The following AKAP3 variants were observed in gnomAD, a reference collection of about 807,000 sequenced individuals.
AKAP3 encodes A-kinase anchor protein 3.
A neutral mutation model predicts 57.2 loss-of-function variants in AKAP3; 27 were observed. The ratio of observed to expected loss-of-function variants is 0.47; its 90% CI spans 0.35 to 0.65. The LOEUF (loss-of-function observed/expected upper bound fraction) is 0.65. AKAP3 is among the 30% of genes least tolerant of loss of function. The probability of loss-of-function intolerance (pLI) is 0.01; values close to 1 mark genes in which losing one functional copy is unlikely to be tolerated. For synonymous variants in AKAP3, 334 were observed against 392.3 expected (o/e 0.85, Z 1.76); for missense variants, 959 against 1,040.0 (o/e 0.92, Z 1.07).
intron 4 of AKAP3, chr12:4,635,638 T>A (rs1945555628): frequency 2.6e-6 from 2 of 784,198 alleles, no homozygotes; most frequent in African/African-American, 1.7e-5. Context: ...GCCTCTGAAG[T>A]TCTTTAACCC....
chr12:4,641,865 G>A (rs1431753901), intron 3 of AKAP3, 34 bp downstream of exon 3: 2 of 152,230 alleles, frequency 1.3e-5, no homozygotes, highest in African/African-American at 4.8e-5. Flanking sequence ...TGACAATTAT[G>A]TACAAAAAGT....
In AKAP3 at chr12:4,615,935, C is replaced by T. The variant is rs1237267644; in HGVS notation, c.2407-41G>A. 6 of 1,611,932 alleles carry T rather than the reference C, an allele frequency of 3.7e-6. No homozygotes were observed. The South Asian group carries it at 5.5e-5, about 15-fold the overall frequency. On this transcript the variant is annotated intron_variant, in intron 5 of 5. Coordinates refer to ENST00000228850, the MANE Select transcript of AKAP3 (RefSeq NM_001278309.2). ...AAACACCAGTGGTGAGGCACAGCAT[C>T]TCATGGCAGGCCAGATGGAGCCTGC...
intron 5 of AKAP3, among the ~76,000 whole-genome samples, chr12:4,619,658 T>C (rs1185615541): frequency 6.6e-6 from 1 of 152,230 alleles, no homozygotes; most frequent in Non-Finnish European, 1.5e-5. Context: ...ACATTAATGC[T>C]CCTCATTATC....
intron 1 of AKAP3, chr12:4,648,503 CAG>C (rs1945726273): frequency 1.3e-5 from 2 of 152,248 alleles, no homozygotes; most frequent in African/African-American, 4.8e-5. Flanking sequence ...CACTTTTGAG[CAG>C]AGACTTGAGC....
rs1945461932 is a variant in AKAP3 at position 4,628,775 on chromosome 12, T to G, written c.127A>C (p.Ser43Arg). The part of the protein sequence containing the change: ...DTSTDPVRVL[S>R]WLRRDLEKST... ...TTCTCCAGGTCTCTGCGGAGCCAGCTGAGCACTCTGACAGGATCCGTGGAG... is the reference window on the plus strand; with the variant it reads ...TTCTCCAGGTCTCTGCGGAGCCAGCGGAGCACTCTGACAGGATCCGTGGAG... The change falls in exon 5 of 6, where the codon AGC (serine) becomes CGC (arginine). Residue 43 changes from serine to arginine, a missense_variant. By Grantham distance (110) the Ser-to-Arg change is moderately radical. Transcript: ENST00000228850. The G allele has an allele frequency of 1.2e-6, 2 of 1,611,670 alleles. No individual in the cohort carries two copies. The highest frequency in any genetic ancestry group is 4.5e-5 in the East Asian group (2 of 44,746).
intron 4 of AKAP3, among the ~76,000 whole-genome samples, chr12:4,632,344 T>C (rs1945508686): frequency 6.6e-6 from 1 of 152,246 alleles, no homozygotes; most frequent in South Asian, 2.1e-4. Context: ...GTTCTACTCA[T>C]CTGCGTTTCA....
intron 5 of AKAP3, among the ~76,000 whole-genome samples, chr12:4,623,420 T>C (rs1345765766): frequency 6.6e-6 from 1 of 152,244 alleles, no homozygotes; most frequent in Non-Finnish European, 1.5e-5. Flanking sequence ...TGGAATATTA[T>C]GCAGTCATAA....
At chr12:4,643,033 T>C (rs1459710480) in intron 2 of AKAP3, among the ~76,000 whole-genome samples, 4 of 152,224 alleles carry the variant, frequency 2.6e-5, no homozygotes, top group Admixed American at 2.6e-4. Context: ...ACAGACTTAC[T>C]CAGTGATTTA....
chr12:4,621,669 C>T (rs1038841208), intron 5 of AKAP3, among the ~76,000 whole-genome samples: 4 of 152,018 alleles, frequency 2.6e-5, no homozygotes, highest in African/African-American at 4.8e-5. Flanking sequence ...GTGTAAGTAC[C>T]GTCTATTATG....
chr12:4,634,200 T>C (rs1196093232), intron 4 of AKAP3, among the ~76,000 whole-genome samples: 2 of 152,124 alleles, frequency 1.3e-5, no homozygotes, highest in East Asian at 3.9e-4. Flanking sequence ...CAAAATAAAA[T>C]GAAGGTTGGA....
At position 4,627,234 on chromosome 12, in the gene AKAP3, G is replaced by A; in HGVS notation, c.1668C>T (p.Thr556=). ...DARSFVEAAG[T]TNFPANEPPV... is the part of the protein sequence containing the mutation. ...GAGGTTCATTGGCAGGAAAGTTGGTGGTGCCAGCAGCTTCAACGAAGCTCC... is the reference window on the plus strand; with the variant it reads ...GAGGTTCATTGGCAGGAAAGTTGGTAGTGCCAGCAGCTTCAACGAAGCTCC... Residue 556 remains threonine, a synonymous_variant, in exon 5 of 6, where the codon ACC becomes ACT. Transcript: ENST00000228850. 6.2e-7 allele frequency: 1 copy of A among 1,614,036 alleles called. No homozygotes were observed. Among genetic ancestry groups the A allele is most frequent in the Non-Finnish European group, 8.5e-7 (1 of 1,179,986 alleles).
chr12:4,627,296 G>C lies in AKAP3; in HGVS notation c.1606C>G (p.Gln536Glu). ...CTTCCTCCCTGGGCCAGGTGATATT[G>C]AATCAGAAGCAGGGCAGACACGATC... ...DLIVSALLLI[Q>E]YHLAQGGRRD... The change falls in exon 5 of 6, where the codon CAA (glutamine) becomes GAA (glutamate). Residue 536 changes from glutamine to glutamate, a missense_variant. Coordinates refer to ENST00000228850, the MANE Select transcript of AKAP3 (RefSeq NM_001278309.2). 6.2e-7 allele frequency: 1 copy of C among 1,613,958 alleles called. No homozygotes were observed. Among genetic ancestry groups the C allele is most frequent in the Non-Finnish European group, 8.5e-7 (1 of 1,179,992 alleles).
intron 5 of AKAP3, among the ~76,000 whole-genome samples, chr12:4,621,017 G>A (rs1407472870): frequency 6.6e-6 from 1 of 151,940 alleles, no homozygotes; most frequent in African/African-American, 2.4e-5. Flanking sequence ...ACCTTCTAAT[G>A]GGAGAACATG....
At chr12:4,619,420 G>T (rs952941326) in intron 5 of AKAP3, among the ~76,000 whole-genome samples, 1 of 151,874 alleles carries the variant, frequency 6.6e-6, no homozygotes, top group African/African-American at 2.4e-5. Context: ...AACTGGGCAT[G>T]GTGGGGGATG....
rs1374775702 is a variant in AKAP3 at position 4,648,988 on chromosome 12, TTTC to T, written c.-491_-489del. On this transcript the variant is annotated 5_prime_UTR_variant, in exon 1 of 6. Transcript: ENST00000228850. ...TCCCCCTCTCCTTCACTTTCCCAGCTTTCTTCTTAACCAACAATCTACCCGAAA... is the reference window on the plus strand; with the variant it reads ...TCCCCCTCTCCTTCACTTTCCCAGCTTTCTTAACCAACAATCTACCCGAAA... 1 of 954,526 alleles carries T rather than the reference TTTC, an allele frequency of 1.0e-6. No individual in the cohort carries two copies. Among genetic ancestry groups the T allele is most frequent in the African/African-American group, 1.7e-5 (1 of 60,354 alleles). 59.1% of individuals were successfully genotyped at this position (954,526 alleles called of 1,614,324 possible).
intron 5 of AKAP3, among the ~76,000 whole-genome samples, chr12:4,619,192 C>G (rs1337325262): frequency 6.6e-6 from 1 of 152,178 alleles, no homozygotes; most frequent in Non-Finnish European, 1.5e-5. Context: ...AAACTGAAAC[C>G]TGTGCAAATT....
At chr12:4,620,503 T>C (rs546472908) in intron 5 of AKAP3, among the ~76,000 whole-genome samples, 2 of 147,780 alleles carry the variant, frequency 1.4e-5, no homozygotes, top group South Asian at 4.3e-4. Context: ...AAAGAGAGAT[T>C]GTAACCCTAC....
intron 4 of AKAP3, among the ~76,000 whole-genome samples, chr12:4,629,775 T>C (rs1002607049): frequency 7.9e-5 from 12 of 152,222 alleles, no homozygotes; most frequent in African/African-American, 2.7e-4. Flanking sequence ...AAGTATAGTT[T>C]CCAAAAAAAT....
intron 5 of AKAP3, among the ~76,000 whole-genome samples, chr12:4,624,474 C>T (rs1945386227): frequency 6.6e-6 from 1 of 151,554 alleles, no homozygotes; most frequent in African/African-American, 2.4e-5. Flanking sequence ...CACCATGCAT[C>T]CTTTTGTACT....
Sources: allele counts gnomAD v4.1 joint callset (sites outside exome capture counted in the v4.1 genomes callset), GRCh38; gene constraint gnomAD v4.1.1; transcripts MANE v1.5; gene names NCBI Gene and HGNC (gene_info 2026-07-23, HGNC 2026-07-21).